SPICE1: variants seen among roughly 807,000 people sequenced by gnomAD.
SPICE1 encodes spindle and centriole-associated protein 1.
In SPICE1, 75 loss-of-function variants were observed where a neutral mutation model predicts 102.7. That is an observed-to-expected ratio of 0.73 (90% CI 0.61 to 0.88). The LOEUF (loss-of-function observed/expected upper bound fraction) is 0.88, where lower values mean the gene tolerates loss of function less well. Among genes scored for constraint, SPICE1 ranks in the 40% least tolerant of loss-of-function variants. SPICE1 has a pLI of 0.00. For missense variants in SPICE1, 979 were observed against 1,020.1 expected (o/e 0.96, Z 0.55); for synonymous variants, 308 against 350.3 (o/e 0.88, Z 1.35).
chr3:113,509,910 C>A (rs1937185803), intron 1 of SPICE1, among the ~76,000 whole-genome samples: 1 of 152,220 alleles, frequency 6.6e-6, no homozygotes. Context: ...TTCTCTCCTG[C>A]CACCTTGTGA....
intron 4 of SPICE1, among the ~76,000 whole-genome samples, chr3:113,495,452 G>C (rs893247623): frequency 5.3e-5 from 8 of 152,212 alleles, no homozygotes; most frequent in African/African-American, 1.9e-4. Flanking sequence ...GGCTGACTCA[G>C]TGAGAAGAAA....
chr3:113,457,776 A>T (rs1935814406), intron 12 of SPICE1, among the ~76,000 whole-genome samples: 1 of 152,034 alleles, frequency 6.6e-6, no homozygotes, highest in Non-Finnish European at 1.5e-5. Flanking sequence ...TTCCCACCTC[A>T]GCCTCCCGAG....
chr3:113,499,389 C>G (rs762453555), intron 4 of SPICE1, 50 bp downstream of exon 4: 83 of 1,557,202 alleles, frequency 5.3e-5, no homozygotes, highest in Non-Finnish European at 6.9e-5. Flanking sequence ...AACAAAGAAC[C>G]CTATTTATCT....
intron 7 of SPICE1, among the ~76,000 whole-genome samples, chr3:113,484,003 G>C (rs1208230107): frequency 6.6e-6 from 1 of 152,118 alleles, no homozygotes; most frequent in East Asian, 1.9e-4. Context: ...AATCTGCCTG[G>C]TCCTGGACTT....
At chr3:113,462,613 A>G (rs986335637) in intron 11 of SPICE1, among the ~76,000 whole-genome samples, 1 of 152,332 alleles carries the variant, frequency 6.6e-6, no homozygotes, top group South Asian at 2.1e-4. Context: ...CCCATTAGTA[A>G]ATAATTGTAG....
chr3:113,458,092 T>C (rs1397235929), intron 12 of SPICE1, among the ~76,000 whole-genome samples: 1 of 152,214 alleles, frequency 6.6e-6, no homozygotes, highest in Non-Finnish European at 1.5e-5. Flanking sequence ...ACATAAATCT[T>C]TGGTCTCACC....
intron 2 of SPICE1, among the ~76,000 whole-genome samples, chr3:113,503,536 T>C (rs545630493): frequency 6.6e-6 from 1 of 152,230 alleles, no homozygotes; most frequent in East Asian, 1.9e-4. Flanking sequence ...TAAATGGTAG[T>C]ATATATTCAA....
chr3:113,471,749 G>C (rs1260592149), intron 7 of SPICE1, among the ~76,000 whole-genome samples: 2 of 152,088 alleles, frequency 1.3e-5, no homozygotes, highest in African/African-American at 4.8e-5. Context: ...GAAAGAATAG[G>C]AACATAGAAA....
intron 14 of SPICE1, among the ~76,000 whole-genome samples, chr3:113,452,130 C>T (rs951603109): frequency 6.6e-6 from 1 of 152,176 alleles, no homozygotes; most frequent in Non-Finnish European, 1.5e-5. Context: ...CTCCCTATCT[C>T]CCCCAGAAAC....
At chr3:113,497,666 T>C (rs952532405) in intron 4 of SPICE1, among the ~76,000 whole-genome samples, 1 of 145,972 alleles carries the variant, frequency 6.9e-6, no homozygotes, top group Non-Finnish European at 1.5e-5. Flanking sequence ...TAGTTATATA[T>C]ATATGCATAC....
intron 7 of SPICE1, among the ~76,000 whole-genome samples, chr3:113,478,418 T>C (rs575493547): frequency 6.6e-6 from 1 of 151,908 alleles, no homozygotes. Flanking sequence ...AAGAAAAAAG[T>C]AGAGGTTTCA....
chr3:113,459,220 A>C (rs1453376561), intron 12 of SPICE1, among the ~76,000 whole-genome samples: 1 of 152,174 alleles, frequency 6.6e-6, no homozygotes, highest in Non-Finnish European at 1.5e-5. Context: ...TGAAAGCAGC[A>C]TACTCGTTAA....
rs1426524652 is a variant in SPICE1 at position 113,503,668 on chromosome 3, C to T, written c.100-441G>A. On this transcript the variant is annotated intron_variant, in intron 2 of 17. Coordinates refer to ENST00000295872, the MANE Select transcript of SPICE1 (RefSeq NM_144718.4). ...AGATCACTGGCTGGGTACAGTGGCT[C>T]ATGCCTGTAATCCCAGCACTTTGGG... 6.6e-5 allele frequency among the ~76,000 whole-genome samples: 10 copies of T among 152,264 alleles called. No individual in the cohort carries two copies. In the East Asian group the frequency reaches 1.9e-3, roughly 29 times the overall value.
chr3:113,448,824 AAG>A (rs1935576547), intron 15 of SPICE1: 1 of 152,196 alleles, frequency 6.6e-6, no homozygotes, highest in Admixed American at 6.5e-5. Context: ...TAGAAAACAA[AAG>A]AGGTTTTTCA....
intron 11 of SPICE1, among the ~76,000 whole-genome samples, chr3:113,464,333 T>G (rs190937635): frequency 2.1e-4 from 31 of 150,790 alleles, no homozygotes; most frequent in Non-Finnish European, 4.1e-4. Flanking sequence ...CATAGCTCAC[T>G]GCAGCCTCAA....
intron 13 of SPICE1, among the ~76,000 whole-genome samples, chr3:113,456,595 C>G (rs113828121): frequency 2.0e-5 from 3 of 152,180 alleles, no homozygotes; most frequent in African/African-American, 7.2e-5. Context: ...CATGTTTATT[C>G]AAAACTCTAC....
At chr3:113,501,508 T>C (rs958718059) in intron 3 of SPICE1, among the ~76,000 whole-genome samples, 5 of 152,180 alleles carry the variant, frequency 3.3e-5, no homozygotes, top group African/African-American at 1.2e-4. Flanking sequence ...TACTTGCAAA[T>C]TATATCTGAT....
chr3:113,453,443 A>C (rs1156664534), intron 14 of SPICE1, 23 bp downstream of exon 14: 2 of 1,569,684 alleles, frequency 1.3e-6, no homozygotes, highest in Non-Finnish European at 1.7e-6. Context: ...TATGTCCCTA[A>C]TCAATCCTTA....
chr3:113,483,196 GCTCT>G (rs1363822358), intron 7 of SPICE1, among the ~76,000 whole-genome samples: 14 of 152,032 alleles, frequency 9.2e-5, no homozygotes, highest in East Asian at 3.9e-4. Context: ...TCATGATTTG[GCTCT>G]CTGTTTGTCT....
Sources: gnomAD v4.1 joint callset for allele counts (sites outside exome capture counted in the v4.1 genomes callset) on GRCh38, gnomAD v4.1.1 for gene constraint, MANE v1.5 for transcripts, NCBI Gene and HGNC (gene_info 2026-07-23, HGNC 2026-07-21) for gene names.